Variants in DOCK7 observed in about 807,000 individuals in gnomAD.
The protein encoded by DOCK7 is dedicator of cytokinesis protein 7.
In DOCK7, 138 loss-of-function variants were observed where a neutral mutation model predicts 271.0. The ratio of observed to expected loss-of-function variants is 0.51; its 90% CI spans 0.44 to 0.59. The LOEUF is 0.59. Ranked by LOEUF, DOCK7 falls within the 20% of genes least tolerant of loss-of-function variation. The pLI, the probability that DOCK7 is intolerant of heterozygous loss-of-function variation, is 0.00. For synonymous variants in DOCK7, 823 were observed against 876.1 expected, an observed-to-expected ratio of 0.94 and a Z score of 1.07; for missense variants, 2,066 against 2,592.4, an observed-to-expected ratio of 0.80 and a Z score of 4.41.
chr1:62,512,636 G>T (rs541160910), intron 33 of DOCK7, among the ~76,000 whole-genome samples: 2 of 151,938 alleles, frequency 1.3e-5, no homozygotes, highest in African/African-American at 4.8e-5. Context: ...CAGGCCAGAC[G>T]TGGTGGCTCA....
intron 22 of DOCK7, among the ~76,000 whole-genome samples, chr1:62,546,558 T>C (rs1645715382): frequency 6.6e-6 from 1 of 152,088 alleles, no homozygotes. Context: ...GATGAGAGTG[T>C]CTCCCTTCAC....
chr1:62,630,907 G>A (rs1222582547), intron 11 of DOCK7, among the ~76,000 whole-genome samples: 2 of 152,004 alleles, frequency 1.3e-5, no homozygotes, highest in Non-Finnish European at 2.9e-5. Context: ...AAAAGAGGCC[G>A]GGCATGGTGG....
chr1:62,656,808 G>A (rs1571921033), intron 2 of DOCK7, among the ~76,000 whole-genome samples: 2 of 151,944 alleles, frequency 1.3e-5, no homozygotes, highest in Non-Finnish European at 2.9e-5. Flanking sequence ...GGGCCGGGGG[G>A]TGGGGAGCCT....
At chr1:62,535,717 T>C in intron 28 of DOCK7, 85 bp from the exon 29 acceptor site, 1 of 1,349,146 alleles carries the variant, frequency 7.4e-7, no homozygotes, top group Non-Finnish European at 9.9e-7. Context: ...AATGAAATAC[T>C]TTTTCCCAGG....
intron 1 of DOCK7, among the ~76,000 whole-genome samples, chr1:62,678,139 TA>T (rs1253449473): frequency 6.6e-6 from 1 of 151,392 alleles, no homozygotes; most frequent in Non-Finnish European, 1.5e-5. Flanking sequence ...AAAAAGTAAA[TA>T]AAAACTAAAA....
At chr1:62,617,107 A>C (rs1652532365) in intron 14 of DOCK7, among the ~76,000 whole-genome samples, 1 of 151,646 alleles carries the variant, frequency 6.6e-6, no homozygotes, top group South Asian at 2.1e-4. Context: ...AAAAAAAAAA[A>C]AATGCAAAGA....
chr1:62,599,040 A>G (rs1649718393), intron 14 of DOCK7, among the ~76,000 whole-genome samples: 1 of 152,080 alleles, frequency 6.6e-6, no homozygotes, highest in Admixed American at 6.6e-5. Flanking sequence ...GTTTCCTCAC[A>G]TATACTACAA....
At chr1:62,521,924 C>T (rs999433209) in intron 31 of DOCK7, among the ~76,000 whole-genome samples, 3 of 151,828 alleles carry the variant, frequency 2.0e-5, no homozygotes, top group Admixed American at 2.0e-4. Flanking sequence ...TGCAGTGGGC[C>T]GAGATCATGC....
intron 48 of DOCK7, among the ~76,000 whole-genome samples, chr1:62,463,313 T>A (rs1213442468): frequency 6.6e-6 from 1 of 152,196 alleles, no homozygotes; most frequent in Non-Finnish European, 1.5e-5. Context: ...GTTACAATGT[T>A]AGATAATATC....
chr1:62,508,240 A>T (rs1228790042), intron 34 of DOCK7, among the ~76,000 whole-genome samples, 182 bp from the exon 35 acceptor site: 1 of 152,204 alleles, frequency 6.6e-6, no homozygotes, highest in East Asian at 1.9e-4. Flanking sequence ...TTTGTTAACC[A>T]CAACAATACA....
In DOCK7 at chr1:62,559,064, C is replaced by T. The variant is rs376086641; in HGVS notation, c.2356G>A (p.Val786Ile). 2 of 1,613,644 alleles carry T rather than the reference C, an allele frequency of 1.2e-6. No individual in the cohort carries two copies. The highest frequency in any genetic ancestry group is 1.7e-6 in the Non-Finnish European group (2 of 1,179,888). The change falls in exon 20 of 50, where the codon GTC becomes ATC. Residue 786 changes from valine (V) to isoleucine (I), a missense_variant. Coordinates refer to ENST00000635253, the MANE Select transcript of DOCK7 (RefSeq NM_001367561.1). Reference protein sequence around the residue: ...ALNSSQLEPVVRFLHLLLDKL... With the variant: ...ALNSSQLEPVIRFLHLLLDKL... ...TCTAGCAGAAGATGAAGAAATCGGACCACTGGTTCCAGCTGGGATGAATTC... is the reference window on the plus strand; with the variant it reads ...TCTAGCAGAAGATGAAGAAATCGGATCACTGGTTCCAGCTGGGATGAATTC...
chr1:62,600,396 G>C (rs1649933269), intron 14 of DOCK7, among the ~76,000 whole-genome samples: 2 of 151,666 alleles, frequency 1.3e-5, no homozygotes, highest in Admixed American at 6.6e-5. Flanking sequence ...TTTAAATAAG[G>C]TCCTAGGAAA....
chr1:62,568,941 C>T lies in DOCK7; in HGVS notation c.2113-7238G>A, dbSNP rs61851741. On this transcript the variant is annotated intron_variant, in intron 18 of 49. Transcript: ENST00000635253. ...ACTGACCCCACAGAAATACAAACGA[C>T]CATCAGAGAATGTACTACAAACACC... 4.6e-5 allele frequency among the ~76,000 whole-genome samples: 7 copies of T among 151,922 alleles called. No individual in the cohort carries two copies. The South Asian group carries it at 1.5e-3, about 32-fold the overall frequency.
At chr1:62,677,622 T>C (rs1297395789) in intron 1 of DOCK7, among the ~76,000 whole-genome samples, 1 of 145,554 alleles carries the variant, frequency 6.9e-6, no homozygotes, top group African/African-American at 2.5e-5. Context: ...GCCAAGGGGG[T>C]CCAAATGATG....
chr1:62,456,887 G>A (rs1021158837), intron 49 of DOCK7, among the ~76,000 whole-genome samples: 4 of 152,088 alleles, frequency 2.6e-5, no homozygotes, highest in Admixed American at 6.6e-5. Flanking sequence ...TTTCCCATTG[G>A]GAATTTTGAG....
At chr1:62,477,658 A>C (rs1646005627) in intron 44 of DOCK7, 42 bp downstream of exon 44, 2 of 1,534,848 alleles carry the variant, frequency 1.3e-6, no homozygotes, top group Non-Finnish European at 1.8e-6. Context: ...CAGAGAGAAT[A>C]CAAACTAAAG....
At chr1:62,682,550 T>C (rs781556446) in intron 1 of DOCK7, among the ~76,000 whole-genome samples, 18 of 152,144 alleles carry the variant, frequency 1.2e-4, no homozygotes, top group South Asian at 2.1e-4. Flanking sequence ...TGTAACTTTT[T>C]AAAAAAACAG....
At chr1:62,507,904 C>T (rs1646988670) in intron 35 of DOCK7, 58 bp downstream of exon 35, 1 of 1,504,422 alleles carries the variant, frequency 6.6e-7, no homozygotes. Flanking sequence ...AAACACTTTT[C>T]CCTCCAACCT....
At chr1:62,638,680 T>C (rs1179553818) in intron 7 of DOCK7, among the ~76,000 whole-genome samples, 2 of 148,508 alleles carry the variant, frequency 1.3e-5, no homozygotes, top group Non-Finnish European at 3.0e-5. Context: ...TATATATATA[T>C]AGATATGAAA....
Sources: gnomAD v4.1 joint callset for allele counts (sites outside exome capture counted in the v4.1 genomes callset) on GRCh38, gnomAD v4.1.1 for gene constraint, MANE v1.5 for transcripts, NCBI Gene and HGNC (gene_info 2026-07-23, HGNC 2026-07-21) for gene names.